Variants in PPID observed in about 807,000 individuals in gnomAD.
The protein encoded by PPID is peptidylprolyl isomerase D.
PPID carries 47 observed loss-of-function variants against 48.1 expected under a neutral mutation model. The ratio of observed to expected loss-of-function variants is 0.98; its 90% confidence interval spans 0.77 to 1.25. The LOEUF (loss-of-function observed/expected upper bound fraction) is 1.25. Ranked by LOEUF, PPID falls within the 50% of genes most tolerant of loss-of-function variation. The pLI is 0.00. For missense variants in PPID, 429 were observed against 443.5 expected (o/e 0.97, Z 0.29); for synonymous variants, 163 against 148.8 (o/e 1.10, Z -0.69).
intron 1 of PPID, 86 bp downstream of exon 1, chr4:158,723,118 G>C: frequency 7.4e-7 from 1 of 1,352,034 alleles, no homozygotes. Context: ...TCACCGGCCG[G>C]AGCCGCATTC....
At chr4:158,711,471 G>A (rs1044972415) in intron 7 of PPID, among the ~76,000 whole-genome samples, 26 of 151,566 alleles carry the variant, frequency 1.7e-4, no homozygotes, top group Admixed American at 4.6e-4. Context: ...CGATCTGCCC[G>A]CCGCCGTGGC....
intron 9 of PPID, 116 bp downstream of exon 9, chr4:158,710,512 G>T: frequency 9.2e-7 from 1 of 1,087,334 alleles, no homozygotes; most frequent in Non-Finnish European, 1.4e-6. Context: ...CCAACAGCAG[G>T]CATTCTGTAG....
intron 2 of PPID, 89 bp from the exon 3 acceptor site, chr4:158,719,375 T>C (rs1774920639): frequency 1.2e-6 from 1 of 822,110 alleles, no homozygotes; most frequent in South Asian, 1.5e-5. Flanking sequence ...GACAACTTTG[T>C]AGTGCATGAC....
chr4:158,723,160 C>A, intron 1 of PPID, 44 bp downstream of exon 1: 1 of 1,568,170 alleles, frequency 6.4e-7, no homozygotes, highest in Non-Finnish European at 8.7e-7. Flanking sequence ...CCCGGGAACC[C>A]CCGCCTCCTC....
At chr4:158,721,521 C>T (rs1415857193) in intron 1 of PPID, 38 bp from the exon 2 acceptor site, 1 of 1,591,886 alleles carries the variant, frequency 6.3e-7, no homozygotes, top group Admixed American at 1.7e-5. Flanking sequence ...TGCAAAACAA[C>T]CAAATAGACA....
chr4:158,721,293 C>A, intron 2 of PPID, 50 bp downstream of exon 2: 1 of 1,583,330 alleles, frequency 6.3e-7, no homozygotes, highest in African/African-American at 1.4e-5. Context: ...TCCTAAAGAA[C>A]AGGACTTGTC....
Position 158,717,219 on chromosome 4 carries a change from A to G in PPID, c.334-19T>C. ...GATCATGCTGTAGAAATAAAAATTA[A>G]AAGAAAACCAAGGTTAGATGTGTTC... On this transcript the variant is annotated intron_variant, in intron 3 of 9. Transcript: ENST00000307720. 6.3e-7 allele frequency: 1 copy of G among 1,593,714 alleles called. No homozygotes were observed. Among genetic ancestry groups the G allele is most frequent in the Non-Finnish European group, 8.5e-7 (1 of 1,171,802 alleles).
In PPID at chr4:158,717,342, T is replaced by C. The variant is rs17843921; in HGVS notation, c.334-142A>G. The stretch of plus-strand genomic sequence containing the variant: ...TAGATCAAACTACTTTTTTTTACTT[T>C]TCACTTATAAAATTTTTTAATTACT... On this transcript the variant is annotated intron_variant, in intron 3 of 9. Transcript: ENST00000307720. The C allele has an allele frequency of 5.2e-3, 3,189 of 607,508 alleles. 68 individuals carry two copies. Among genetic ancestry groups the C allele is most frequent in the African/African-American group, 0.048 (2,525 of 52,096 alleles). The allele number at this position is 607,508 out of a possible 1,614,324, so 37.6% of individuals were successfully genotyped here. A position where few individuals can be genotyped will look rare whatever the true frequency, so the allele number is the denominator to read the frequency against.
intron 4 of PPID, 67 bp from the exon 5 acceptor site, chr4:158,715,751 T>C: frequency 1.3e-6 from 2 of 1,524,080 alleles, no homozygotes; most frequent in South Asian, 1.1e-5. Flanking sequence ...GCTATACAGC[T>C]GAAGTCATGT....
rs1174588941 is a variant in PPID, at chr4:158,722,765, T to C, written c.85+439A>G. Among the ~76,000 whole-genome samples, 4 of 152,218 alleles carry C rather than the reference T, an allele frequency of 2.6e-5. No homozygotes were observed. In the South Asian group the frequency reaches 8.3e-4, roughly 32 times the overall value. On this transcript the variant is annotated intron_variant, in intron 1 of 9. Coordinates refer to ENST00000307720, the MANE Select transcript of PPID (RefSeq NM_005038.3). ...AAAAGCAATGAGCAAACAAGTCCCT[T>C]TAACGTATAAATAACACAGCACGTG...
intron 7 of PPID, among the ~76,000 whole-genome samples, chr4:158,712,456 T>G (rs2126328476): frequency 6.6e-6 from 1 of 152,340 alleles, no homozygotes; most frequent in South Asian, 2.1e-4. Flanking sequence ...CCTTACATTG[T>G]GTTATATAAC....
rs777632428 is a variant in PPID at position 158,710,678 on chromosome 4, T to C, written c.982-8A>G. On this transcript the variant is annotated splice_region_variant and splice_polypyrimidine_tract_variant and intron_variant, in intron 8 of 9. Transcript: ENST00000307720. Reference sequence around the variant, plus strand: ...AGCTTTCTTAAGATCAGCCTTTAATTGGAAAAAAACATTTAAGTTAGGTGT... The same window carrying C: ...AGCTTTCTTAAGATCAGCCTTTAATCGGAAAAAAACATTTAAGTTAGGTGT... 3.1e-6 allele frequency: 5 copies of C among 1,613,326 alleles called. No homozygotes were observed. The highest frequency in any genetic ancestry group is 2.7e-5 in the African/African-American group (2 of 74,964).
At chr4:158,716,983 A>C (rs755342256) in intron 4 of PPID, 29 bp downstream of exon 4, 1 of 1,578,472 alleles carries the variant, frequency 6.3e-7, no homozygotes, top group South Asian at 1.1e-5. Flanking sequence ...TAAGATAATA[A>C]GTGTATTTCA....
chr4:158,717,396 A>C (rs1212541357), intron 3 of PPID, among the ~76,000 whole-genome samples, 196 bp from the exon 4 acceptor site: 1 of 152,142 alleles, frequency 6.6e-6, no homozygotes, highest in Admixed American at 6.5e-5. Flanking sequence ...TGCAACCTTT[A>C]ATTCACAAAA....
intron 1 of PPID, among the ~76,000 whole-genome samples, chr4:158,722,764 T>G (rs1358770738): frequency 6.6e-6 from 1 of 152,248 alleles, no homozygotes; most frequent in Non-Finnish European, 1.5e-5. Context: ...AACAAGTCCC[T>G]TTAACGTATA....
At chr4:158,711,208 G>C (rs1203348221) in intron 7 of PPID, among the ~76,000 whole-genome samples, 1 of 151,952 alleles carries the variant, frequency 6.6e-6, no homozygotes, top group African/African-American at 2.4e-5. Flanking sequence ...TAACTCTTAA[G>C]TTATAAACTC....
Position 158,715,597 on chromosome 4 carries a change from C to G in PPID, c.610G>C (p.Asp204His). 1 of 1,613,964 alleles carries G rather than the reference C, an allele frequency of 6.2e-7. No individual in the cohort carries two copies. Among genetic ancestry groups the G allele is most frequent in the South Asian group, 1.1e-5 (1 of 91,080 alleles). The change falls in exon 5 of 10, where the codon GAT (aspartate) becomes CAT (histidine). Residue 204 changes from aspartate to histidine, a missense_variant. Coordinates refer to ENST00000307720, the MANE Select transcript of PPID (RefSeq NM_005038.3). ...TCTATATCCGCATCCTCAGGGAAATCTGGATGACTGTCGCCAGAGCCATCT... is the reference window on the plus strand; with the variant it reads ...TCTATATCCGCATCCTCAGGGAAATGTGGATGACTGTCGCCAGAGCCATCT... ...PKDGSGDSHP[D>H]FPEDADIDLK...
Position 158,723,222 on chromosome 4 carries a change from C to T in PPID, c.67G>A (p.Asp23Asn). The T allele has an allele frequency of 6.2e-7, 1 of 1,613,958 alleles. No individual in the cohort carries two copies. Among genetic ancestry groups the T allele is most frequent in the Non-Finnish European group, 8.5e-7 (1 of 1,179,966 alleles). The change falls in exon 1 of 10, where the codon GAC becomes AAC. Residue 23 changes from aspartate to asparagine, a missense_variant. Coordinates refer to ENST00000307720, the MANE Select transcript of PPID (RefSeq NM_005038.3). ...CGCTCACCTCGCTCCCCTCCGATGT[C>T]CACGTCAAAGAAGACTCGAGGGTTA... Reference protein sequence around the residue: ...PSNPRVFFDVDIGGERVGRIV... With the variant: ...PSNPRVFFDVNIGGERVGRIV...
chr4:158,718,731 G>A (rs1445584596), intron 3 of PPID, among the ~76,000 whole-genome samples: 13 of 152,310 alleles, frequency 8.5e-5, no homozygotes, highest in South Asian at 2.1e-4. Flanking sequence ...GGACAACGAA[G>A]ACAAGAAGGC....
Sources: gnomAD v4.1 joint callset for allele counts (sites outside exome capture counted in the v4.1 genomes callset) on GRCh38, gnomAD v4.1.1 for gene constraint, MANE v1.5 for transcripts, NCBI Gene and HGNC (gene_info 2026-07-23, HGNC 2026-07-21) for gene names.